Variants in ADD3 observed in about 807,000 individuals in gnomAD.
ADD3 encodes gamma-adducin.
A neutral mutation model predicts 80.2 loss-of-function variants in ADD3; 25 were observed. The observed-to-expected ratio is 0.31, with a 90% CI of 0.23 to 0.44. ADD3 has a LOEUF of 0.44. ADD3 is among the 20% of genes least tolerant of loss of function. The pLI, the probability that ADD3 is intolerant of heterozygous loss-of-function variation, is 1.00. For missense variants in ADD3, 829 were observed against 847.5 expected (o/e 0.98, Z 0.27); for synonymous variants, 284 against 289.6 (o/e 0.98, Z 0.20).
At chr10:110,083,041 C>A (rs913951247) in intron 1 of ADD3, among the ~76,000 whole-genome samples, 1 of 152,076 alleles carries the variant, frequency 6.6e-6, no homozygotes, top group African/African-American at 2.4e-5. Context: ...GTTAATAAAC[C>A]CTTATTGAGT....
chr10:110,017,238 A>C (rs1052117189), intron 1 of ADD3, among the ~76,000 whole-genome samples: 37 of 152,222 alleles, frequency 2.4e-4, no homozygotes, highest in Admixed American at 2.2e-3. Context: ...TTGAACCAAG[A>C]TTAGAATGAT....
intron 1 of ADD3, among the ~76,000 whole-genome samples, chr10:110,045,586 A>G (rs1025761322): frequency 1.3e-5 from 2 of 152,204 alleles, no homozygotes; most frequent in African/African-American, 4.8e-5. Context: ...GACAATTTGG[A>G]AAAATGGATG....
chr10:110,041,532 G>A (rs1452101991), intron 1 of ADD3, among the ~76,000 whole-genome samples: 2 of 152,100 alleles, frequency 1.3e-5, no homozygotes, highest in Non-Finnish European at 2.9e-5. Context: ...TAAAACGAAA[G>A]GGTTGGTTCA....
chr10:109,998,197 C>T (rs1851417060), intron 1 of ADD3, among the ~76,000 whole-genome samples: 1 of 152,154 alleles, frequency 6.6e-6, no homozygotes, highest in Admixed American at 6.5e-5. Context: ...AGCAGAAGGG[C>T]TCGCTTTTAT....
chr10:110,008,589 C>A (rs1442556214), intron 1 of ADD3, among the ~76,000 whole-genome samples: 3 of 152,312 alleles, frequency 2.0e-5, no homozygotes, highest in South Asian at 4.1e-4. Flanking sequence ...GGGCCCGACG[C>A]TTCGCGCGTC....
At chr10:110,063,353 T>G (rs1351275196) in intron 1 of ADD3, among the ~76,000 whole-genome samples, 1 of 152,204 alleles carries the variant, frequency 6.6e-6, no homozygotes, top group African/African-American at 2.4e-5. Context: ...TGTACTGATT[T>G]CAGACCTAAA....
At chr10:110,106,290 G>A (rs988968611) in intron 2 of ADD3, among the ~76,000 whole-genome samples, 1 of 151,480 alleles carries the variant, frequency 6.6e-6, no homozygotes, top group East Asian at 1.9e-4. Context: ...ACTGATAAAT[G>A]AGCCAACATG....
chr10:110,032,193 A>G (rs774467277), intron 1 of ADD3, among the ~76,000 whole-genome samples: 1 of 152,250 alleles, frequency 6.6e-6, no homozygotes, highest in African/African-American at 2.4e-5. Context: ...GAATAAGCAT[A>G]TTAAGCTGGA....
intron 1 of ADD3, among the ~76,000 whole-genome samples, chr10:109,998,416 C>T (rs537714079): frequency 6.6e-6 from 1 of 152,338 alleles, no homozygotes; most frequent in Non-Finnish European, 1.5e-5. Context: ...ACCCCTACAA[C>T]AAGACCCCAT....
intron 2 of ADD3, among the ~76,000 whole-genome samples, chr10:110,107,353 A>G (rs1180611609): frequency 6.6e-6 from 1 of 152,168 alleles, no homozygotes; most frequent in Non-Finnish European, 1.5e-5. Flanking sequence ...CATTAGGAAG[A>G]AGAACAGTGG....
chr10:110,117,206 G>C (rs1429829740), intron 4 of ADD3, 136 bp from the exon 5 acceptor site: 1 of 547,768 alleles, frequency 1.8e-6, no homozygotes, highest in African/African-American at 1.9e-5. Flanking sequence ...TCATGTTGTA[G>C]ACCTTTAATT....
chr10:110,054,639 G>T (rs180882165), intron 1 of ADD3, among the ~76,000 whole-genome samples: 37 of 144,280 alleles, frequency 2.6e-4, no homozygotes, highest in African/African-American at 9.0e-4. Flanking sequence ...TTTAGACGGA[G>T]TCTCGCTCTG....
rs1355145096 is a variant in ADD3 at position 110,134,218 on chromosome 10, T to G, written c.*600T>G. 1 of 152,574 alleles carries G rather than the reference T, an allele frequency of 6.6e-6. No homozygotes were observed. Among genetic ancestry groups the G allele is most frequent in the African/African-American group, 2.4e-5 (1 of 41,450 alleles). The allele number at this position is 152,574 out of a possible 1,614,324, so 9.5% of individuals were successfully genotyped here. A position where few individuals can be genotyped will look rare whatever the true frequency, so the allele number is the denominator to read the frequency against. On this transcript the variant is annotated 3_prime_UTR_variant, in exon 15 of 15. Coordinates refer to ENST00000356080, the MANE Select transcript of ADD3 (RefSeq NM_016824.5). Reference sequence around the variant, plus strand: ...AACTTTGTTTGCCAAAAAAGTTGTTTTAATAAACTATAATTTTTGAAAACT... The same window carrying G: ...AACTTTGTTTGCCAAAAAAGTTGTTGTAATAAACTATAATTTTTGAAAACT...
intron 1 of ADD3, among the ~76,000 whole-genome samples, chr10:110,030,921 C>T (rs1854931568): frequency 1.3e-5 from 2 of 151,540 alleles, no homozygotes; most frequent in Admixed American, 6.6e-5. Context: ...ACCACTTGCT[C>T]CACCCACTAT....
chr10:110,046,422 T>TA lies in ADD3; in HGVS notation c.-30+38123_-30+38124insA, dbSNP rs1280132058. On this transcript the variant is annotated intron_variant, in intron 1 of 14. Transcript: ENST00000356080. ...GGATAGTCCAAAGTTATACGTGGATTTTTTTTTTTTTTTGACTGCGTCAGA... is the reference window on the plus strand; with the variant it reads ...GGATAGTCCAAAGTTATACGTGGATTATTTTTTTTTTTTTGACTGCGTCAGA... 2.0e-5 allele frequency among the ~76,000 whole-genome samples: 3 copies of TA among 147,768 alleles called. No individual in the cohort carries two copies. In the South Asian group the frequency reaches 6.4e-4, roughly 31 times the overall value.
In ADD3 at chr10:110,133,539, C is replaced by T. The variant is rs747924634; in HGVS notation, c.2042C>T (p.Ser681Leu). 9 of 1,611,610 alleles carry T rather than the reference C, an allele frequency of 5.6e-6. No individual in the cohort carries two copies. The highest frequency in any genetic ancestry group is 6.8e-6 in the Non-Finnish European group (8 of 1,178,998). Reference protein sequence around the residue: ...VLSPEGSPSKSPSKKKKKFRT... With the variant: ...VLSPEGSPSKLPSKKKKKFRT... Reference sequence around the variant, plus strand: ...TCACCTGAAGGCTCCCCTTCAAAATCGCCATCCAAGAAAAAGAAGAAATTC... The same window carrying T: ...TCACCTGAAGGCTCCCCTTCAAAATTGCCATCCAAGAAAAAGAAGAAATTC... The change falls in exon 15 of 15, where the codon TCG becomes TTG. Residue 681 changes from serine to leucine, a missense_variant. Physicochemically the swap from Ser to Leu is moderately radical, Grantham distance 145. Coordinates refer to ENST00000356080, the MANE Select transcript of ADD3 (RefSeq NM_016824.5).
At chr10:110,056,947 G>T (rs1858267892) in intron 1 of ADD3, among the ~76,000 whole-genome samples, 1 of 152,274 alleles carries the variant, frequency 6.6e-6, no homozygotes, top group African/African-American at 2.4e-5. Context: ...TTATAATTAG[G>T]TTAGTTTTCG....
At position 110,112,832 on chromosome 10, in the gene ADD3, A is replaced by G; in HGVS notation, c.251A>G (p.Asn84Ser). The change falls in exon 3 of 15, where the codon AAC (asparagine) becomes AGC (serine). Residue 84 changes from asparagine to serine, a missense_variant. Transcript: ENST00000356080. ...LIQEQMKKGH[N>S]PTGLLALQQI... is the part of the protein sequence containing the mutation. The stretch of plus-strand genomic sequence containing the variant: ...CAAGAACAGATGAAGAAAGGCCACA[A>G]CCCAACTGGATTACTAGCATTACAG... 2.5e-6 allele frequency: 4 copies of G among 1,614,114 alleles called. No individual in the cohort carries two copies. Among genetic ancestry groups the G allele is most frequent in the Non-Finnish European group, 3.4e-6 (4 of 1,180,010 alleles).
At chr10:110,007,658 C>A (rs950616722), upstream of ADD3, among the ~76,000 whole-genome samples, 3 of 152,184 alleles carry the variant, frequency 2.0e-5, no homozygotes, top group Admixed American at 6.5e-5. Context: ...CGAACCAGGC[C>A]CTCCCGGCTG....
Sources: gnomAD v4.1 joint callset for allele counts (sites outside exome capture counted in the v4.1 genomes callset) on GRCh38, gnomAD v4.1.1 for gene constraint, MANE v1.5 for transcripts, NCBI Gene and HGNC (gene_info 2026-07-23, HGNC 2026-07-21) for gene names.